The following TMEM51 variants were observed in gnomAD, a reference collection of about 807,000 sequenced individuals.
TMEM51 encodes the protein chromosome 1 open reading frame 72.
A neutral mutation model predicts 13.6 loss-of-function variants in TMEM51; 8 were observed. The ratio of observed to expected loss-of-function variants is 0.59; its 90% CI spans 0.35 to 1.07. The LOEUF (loss-of-function observed/expected upper bound fraction) is 1.07. Ranked by LOEUF, TMEM51 falls within the 50% of genes least tolerant of loss-of-function variation. The pLI is 0.02. For synonymous variants in TMEM51, 147 were observed against 144.4 expected (o/e 1.02, Z -0.13); for missense variants, 279 against 330.7 (o/e 0.84, Z 1.21).
intron 2 of TMEM51, among the ~76,000 whole-genome samples, chr1:15,214,063 G>A (rs1644385259): frequency 6.8e-6 from 1 of 146,996 alleles, no homozygotes; most frequent in African/African-American, 2.5e-5. Flanking sequence ...ATGTTGGCCA[G>A]GATGGTCTTG....
At chr1:15,214,741 G>A (rs1036402173) in intron 2 of TMEM51, among the ~76,000 whole-genome samples, 154 bp from the exon 3 acceptor site, 3 of 152,210 alleles carry the variant, frequency 2.0e-5, no homozygotes, top group East Asian at 1.9e-4. Flanking sequence ...GCCTGAGCAC[G>A]TAAGACATCT....
chr1:15,199,631 G>A (rs1218559281), intron 1 of TMEM51, among the ~76,000 whole-genome samples: 1 of 152,168 alleles, frequency 6.6e-6, no homozygotes, highest in Non-Finnish European at 1.5e-5. Context: ...CTTGCCTTCA[G>A]CTGCCATAGT....
At chr1:15,182,451 C>T (rs1487491185) in intron 1 of TMEM51, among the ~76,000 whole-genome samples, 1 of 152,184 alleles carries the variant, frequency 6.6e-6, no homozygotes, top group Non-Finnish European at 1.5e-5. Flanking sequence ...CATCAGTATA[C>T]CAGGACCACT....
intron 1 of TMEM51, among the ~76,000 whole-genome samples, chr1:15,172,987 A>G (rs143375261): frequency 6.6e-6 from 1 of 152,254 alleles, no homozygotes; most frequent in African/African-American, 2.4e-5. Context: ...CTTGGAACGT[A>G]TCCCCCGAGG....
At chr1:15,197,927 G>A (rs1371224597) in intron 1 of TMEM51, among the ~76,000 whole-genome samples, 1 of 142,092 alleles carries the variant, frequency 7.0e-6, no homozygotes, top group African/African-American at 2.7e-5. Flanking sequence ...AGCCTGTGTG[G>A]ACAGGCGTAG....
At chr1:15,154,003 T>TGTCG (rs1642493227) in intron 1 of TMEM51, 49 bp downstream of exon 1, 1 of 152,282 alleles carries the variant, frequency 6.6e-6, no homozygotes, top group Non-Finnish European at 1.5e-5. Context: ...CGCGGCGCGC[T>TGTCG]GTCGGTTCCC....
chr1:15,202,070 C>G (rs1448673132), intron 1 of TMEM51, among the ~76,000 whole-genome samples: 1 of 152,188 alleles, frequency 6.6e-6, no homozygotes, highest in Non-Finnish European at 1.5e-5. Context: ...CCTGCTGACT[C>G]AAGCACGAGA....
In TMEM51 at chr1:15,184,604, CGTT is replaced by C. The variant is rs373223670; in HGVS notation, c.-266-25883_-266-25881del. Among the ~76,000 whole-genome samples, 36 of 152,214 alleles carry C rather than the reference CGTT, an allele frequency of 2.4e-4. No individual in the cohort carries two copies. In the East Asian group the frequency reaches 5.8e-3, roughly 24 times the overall value. On this transcript the variant is annotated intron_variant, in intron 1 of 3. Transcript: ENST00000376008. ...GAGAGACCAGGTTGGAAACTGATATCGTTGTCCAGGTGACAGTGGCTTAGACAA... is the reference window on the plus strand; with the variant it reads ...GAGAGACCAGGTTGGAAACTGATATCGTCCAGGTGACAGTGGCTTAGACAA...
In TMEM51 at chr1:15,219,311, T is replaced by C. The variant is rs976430253; in HGVS notation, c.345-15T>C. The C allele has an allele frequency of 6.4e-7, 1 of 1,562,916 alleles. No homozygotes were observed. Among genetic ancestry groups the C allele is most frequent in the Non-Finnish European group, 8.7e-7 (1 of 1,153,168 alleles). On this transcript the variant is annotated splice_polypyrimidine_tract_variant and intron_variant, in intron 3 of 3. Transcript: ENST00000376008. Reference sequence around the variant, plus strand: ...CACAGGCTAACACTCTCCCTGTCTGTGTGTCTTCTTGCAGCCAGGAGGAAG... The same window carrying C: ...CACAGGCTAACACTCTCCCTGTCTGCGTGTCTTCTTGCAGCCAGGAGGAAG...
chr1:15,154,225 C>T (rs943499865), intron 1 of TMEM51, among the ~76,000 whole-genome samples: 1 of 152,188 alleles, frequency 6.6e-6, no homozygotes, highest in Non-Finnish European at 1.5e-5. Flanking sequence ...CCTTGGGGGC[C>T]CCCTGTTGGC....
At chr1:15,181,764 C>T (rs558671456) in intron 1 of TMEM51, among the ~76,000 whole-genome samples, 1 of 152,314 alleles carries the variant, frequency 6.6e-6, no homozygotes, top group Non-Finnish European at 1.5e-5. Context: ...TCTCAAGCTG[C>T]TCTGTTTTCT....
intron 1 of TMEM51, chr1:15,168,501 C>T (rs1020393335): frequency 5.4e-6 from 7 of 1,304,050 alleles, no homozygotes; most frequent in South Asian, 2.5e-5. Flanking sequence ...TGTATTATTG[C>T]CCCTTGGTTT....
chr1:15,168,516 A>G, intron 1 of TMEM51: 2 of 1,304,656 alleles, frequency 1.5e-6, no homozygotes, highest in Non-Finnish European at 2.0e-6. Flanking sequence ...TGGTTTTATG[A>G]TTGGAAGCTG....
intron 1 of TMEM51, among the ~76,000 whole-genome samples, chr1:15,184,963 C>A (rs1643727556): frequency 6.6e-6 from 1 of 151,900 alleles, no homozygotes; most frequent in African/African-American, 2.4e-5. Context: ...GAATTATCTG[C>A]CAGTATGTCA....
chr1:15,163,557 C>T (rs774667244), intron 1 of TMEM51, among the ~76,000 whole-genome samples: 1 of 151,234 alleles, frequency 6.6e-6, no homozygotes, highest in South Asian at 2.1e-4. Flanking sequence ...CTTTAGAAAA[C>T]ACCATAATTT....
At chr1:15,152,973 G>A (rs1384971834), upstream of TMEM51, among the ~76,000 whole-genome samples, 1 of 152,212 alleles carries the variant, frequency 6.6e-6, no homozygotes, top group African/African-American at 2.4e-5. Flanking sequence ...AGCAGGGCAG[G>A]CTCCCGGTGC....
In TMEM51 at chr1:15,211,388, T is replaced by C. The variant is rs901698016; in HGVS notation, c.-194+826T>C. Reference sequence around the variant, plus strand: ...GTCCCCAAGAAACAATTTTTGCTCCTTGTGGGTGATCTTACCCCATTGAGA... The same window carrying C: ...GTCCCCAAGAAACAATTTTTGCTCCCTGTGGGTGATCTTACCCCATTGAGA... On this transcript the variant is annotated intron_variant, in intron 2 of 3. Coordinates refer to ENST00000376008, the MANE Select transcript of TMEM51 (RefSeq NM_001136218.2). 7.2e-4 allele frequency among the ~76,000 whole-genome samples: 109 copies of C among 152,324 alleles called. 1 individual carries two copies. Among genetic ancestry groups the C allele is most frequent in the South Asian group, 4.1e-4 (2 of 4,832 alleles).
intron 2 of TMEM51, among the ~76,000 whole-genome samples, chr1:15,212,795 C>T (rs1330796895): frequency 6.6e-6 from 1 of 152,256 alleles, no homozygotes; most frequent in East Asian, 1.9e-4. Context: ...GCCCATCCTA[C>T]CTGTTCATAT....
intron 1 of TMEM51, chr1:15,191,797 ATTTTTGAGAGCTGATG>A (rs1182130181): frequency 2.9e-6 from 1 of 350,580 alleles, no homozygotes; most frequent in Non-Finnish European, 5.8e-6. Flanking sequence ...TTGAGACAAT[ATTTTTGAGAGCTGATG>A]TTACTCTAGT....
Sources: allele counts gnomAD v4.1 joint callset (sites outside exome capture counted in the v4.1 genomes callset), GRCh38; gene constraint gnomAD v4.1.1; transcripts MANE v1.5; gene names NCBI Gene and HGNC (gene_info 2026-07-23, HGNC 2026-07-21).